Variants in TACR3 observed in about 807,000 individuals in gnomAD.
TACR3 encodes tachykinin receptor 3, also known as neuromedin-K receptor.
TACR3 carries 34 observed loss-of-function variants against 35.0 expected under a neutral mutation model. The ratio of observed to expected loss-of-function variants is 0.97; its 90% confidence interval spans 0.74 to 1.30. TACR3 has a LOEUF of 1.30. Among genes scored for constraint, TACR3 ranks in the 50% most tolerant of loss-of-function variants. The pLI is 0.00. For synonymous variants in TACR3, 233 were observed against 221.1 expected (o/e 1.05, Z -0.48); for missense variants, 558 against 591.7 (o/e 0.94, Z 0.59).
intron 3 of TACR3, among the ~76,000 whole-genome samples, chr4:103,634,382 G>A (rs1219517299): frequency 6.6e-6 from 1 of 151,992 alleles, no homozygotes; most frequent in Non-Finnish European, 1.5e-5. Context: ...AATGAGATTG[G>A]GAGGAAGAAA....
intron 1 of TACR3, among the ~76,000 whole-genome samples, chr4:103,682,420 A>G (rs1021068749): frequency 4.6e-5 from 7 of 152,146 alleles, no homozygotes; most frequent in African/African-American, 1.7e-4. Flanking sequence ...CACATCTTAC[A>G]TGGCAGCAGG....
intron 1 of TACR3, among the ~76,000 whole-genome samples, chr4:103,686,923 G>T (rs1381945143): frequency 2.0e-5 from 3 of 152,112 alleles, no homozygotes; most frequent in Non-Finnish European, 4.4e-5. Flanking sequence ...TGATACCAAA[G>T]CTGGGCAGAG....
At chr4:103,639,413 G>C (rs192454145) in intron 3 of TACR3, among the ~76,000 whole-genome samples, 2,229 of 152,126 alleles carry the variant, frequency 0.015, 55 homozygotes, top group African/African-American at 0.052. Context: ...GACACAGGAA[G>C]GGGAACATCA....
chr4:103,650,469 A>T (rs987692344), intron 3 of TACR3, among the ~76,000 whole-genome samples: 2 of 136,530 alleles, frequency 1.5e-5, no homozygotes, highest in Admixed American at 1.7e-4. Flanking sequence ...TAATATATTT[A>T]TATATATTTA....
At chr4:103,675,500 A>G (rs1726148713) in intron 1 of TACR3, among the ~76,000 whole-genome samples, 1 of 152,200 alleles carries the variant, frequency 6.6e-6, no homozygotes, top group Non-Finnish European at 1.5e-5. Context: ...GGACATTTAC[A>G]AAGTTATCGG....
At chr4:103,613,544 G>C (rs562980623) in intron 3 of TACR3, among the ~76,000 whole-genome samples, 1 of 151,778 alleles carries the variant, frequency 6.6e-6, no homozygotes, top group East Asian at 1.9e-4. Context: ...GGCCAGGCTG[G>C]TCTTGATCTC....
intron 1 of TACR3, among the ~76,000 whole-genome samples, chr4:103,714,907 A>G (rs1688909636): frequency 6.6e-6 from 1 of 152,160 alleles, no homozygotes; most frequent in African/African-American, 2.4e-5. Context: ...AGCTCTTCCT[A>G]GAGGATCTTT....
At chr4:103,618,564 C>CTTTTTTTT (rs57837921) in intron 3 of TACR3, among the ~76,000 whole-genome samples, 2 of 61,450 alleles carry the variant, frequency 3.3e-5, no homozygotes, top group African/African-American at 9.1e-5. Context: ...GTGACTTGGG[C>CTTTTTTTT]TTTTTTTTTT....
rs1238890846 is a variant in TACR3 at position 103,586,398 on chromosome 4, T to C, written c.*3284A>G. The stretch of plus-strand genomic sequence containing the variant: ...TCAATGATAAGTAGGAAATTGTTAC[T>C]GTTAGAAGTGTGAGAAATGTTTGTA... On this transcript the variant is annotated 3_prime_UTR_variant, in exon 5 of 5. Coordinates refer to ENST00000304883, the MANE Select transcript of TACR3 (RefSeq NM_001059.3). 1 of 152,096 alleles carries C rather than the reference T, an allele frequency of 6.6e-6. No individual in the cohort carries two copies. Among genetic ancestry groups the C allele is most frequent in the Non-Finnish European group, 1.5e-5 (1 of 67,998 alleles). 9.4% of individuals were successfully genotyped at this position (152,096 alleles called of 1,614,324 possible). A position where few individuals can be genotyped will look rare whatever the true frequency, so the allele number is the denominator to read the frequency against.
chr4:103,604,372 C>A (rs1467122010), intron 3 of TACR3, among the ~76,000 whole-genome samples: 1 of 152,122 alleles, frequency 6.6e-6, no homozygotes, highest in Admixed American at 6.6e-5. Flanking sequence ...TTCCTTACAC[C>A]TTATACAAAA....
intron 3 of TACR3, among the ~76,000 whole-genome samples, chr4:103,655,665 A>G (rs1348689314): frequency 1.3e-5 from 2 of 152,092 alleles, no homozygotes; most frequent in African/African-American, 4.8e-5. Flanking sequence ...TCATCCTTTA[A>G]TCATACATAC....
At chr4:103,705,958 T>C (rs1343492668) in intron 1 of TACR3, among the ~76,000 whole-genome samples, 1 of 152,178 alleles carries the variant, frequency 6.6e-6, no homozygotes, top group Non-Finnish European at 1.5e-5. Flanking sequence ...ATGTATGTTT[T>C]GAAAACATAA....
At chr4:103,643,803 T>A (rs9884631) in intron 3 of TACR3, among the ~76,000 whole-genome samples, 4,288 of 151,892 alleles carry the variant, frequency 0.028, 220 homozygotes, top group African/African-American at 0.097. Flanking sequence ...AGATTTCATA[T>A]GCTGAGCTTC....
At chr4:103,641,483 G>T (rs1037213288) in intron 3 of TACR3, among the ~76,000 whole-genome samples, 1 of 151,948 alleles carries the variant, frequency 6.6e-6, no homozygotes, top group African/African-American at 2.4e-5. Context: ...GTGTTGGCAA[G>T]AATGTGGAGA....
intron 1 of TACR3, among the ~76,000 whole-genome samples, chr4:103,665,444 A>G (rs1457270660): frequency 6.6e-6 from 1 of 152,150 alleles, no homozygotes; most frequent in African/African-American, 2.4e-5. Context: ...TAGTGAAAGT[A>G]TTTGTTTCTA....
chr4:103,700,013 C>T (rs988335783), intron 1 of TACR3, among the ~76,000 whole-genome samples: 2 of 152,072 alleles, frequency 1.3e-5, no homozygotes, highest in Non-Finnish European at 1.5e-5. Context: ...GTGCCCCATA[C>T]CTATACAACA....
chr4:103,622,097 G>T (rs146960232), intron 3 of TACR3, among the ~76,000 whole-genome samples: 1 of 152,142 alleles, frequency 6.6e-6, no homozygotes, highest in Non-Finnish European at 1.5e-5. Context: ...CTTCTCGAAG[G>T]GGGAGTGATC....
rs144044038 is a variant in TACR3 at position 103,636,508 on chromosome 4, C to T, written c.888+19686G>A. The stretch of plus-strand genomic sequence containing the variant: ...CACAAAAGCCTTTTATCTCATAATA[C>T]GTAAATAATACAATAATACAATTCA... On this transcript the variant is annotated intron_variant, in intron 3 of 4. Coordinates refer to ENST00000304883, the MANE Select transcript of TACR3 (RefSeq NM_001059.3). Among the ~76,000 whole-genome samples the T allele has an allele frequency of 1.9e-3, 290 of 151,988 alleles. 2 individuals carry two copies. The East Asian group carries it at 0.02, about 10-fold the overall frequency.
At chr4:103,636,807 C>G (rs889437925) in intron 3 of TACR3, among the ~76,000 whole-genome samples, 12 of 152,102 alleles carry the variant, frequency 7.9e-5, no homozygotes, top group Admixed American at 3.9e-4. Context: ...ATACTATAAA[C>G]ACCTGTATGC....
Sources: gnomAD v4.1 joint callset for allele counts (sites outside exome capture counted in the v4.1 genomes callset) on GRCh38, gnomAD v4.1.1 for gene constraint, MANE v1.5 for transcripts, NCBI Gene and HGNC (gene_info 2026-07-23, HGNC 2026-07-21) for gene names.